The following SPACA3 variants were observed in gnomAD, a reference collection of about 807,000 sequenced individuals.
The protein encoded by SPACA3 is sperm acrosome membrane-associated protein 3.
SPACA3 carries 21 observed loss-of-function variants against 24.5 expected under a neutral mutation model. That is an observed-to-expected ratio of 0.86 (90% CI 0.61 to 1.24). SPACA3 has a LOEUF of 1.24. SPACA3 is among the 50% of genes most tolerant of loss of function. The pLI is 0.00. For synonymous variants in SPACA3, 115 were observed against 106.9 expected, an observed-to-expected ratio of 1.08 and a Z score of -0.47; for missense variants, 278 against 275.5, an observed-to-expected ratio of 1.01 and a Z score of -0.06.
rs753643316 is a variant in SPACA3 at position 32,997,705 on chromosome 17, TC to T, written c.582-5del. The T allele has an allele frequency of 1.2e-6, 2 of 1,613,534 alleles. No homozygotes were observed. Among genetic ancestry groups the T allele is most frequent in the African/African-American group, 2.7e-5 (2 of 74,876 alleles). On this transcript the variant is annotated splice_polypyrimidine_tract_variant and splice_region_variant and intron_variant, in intron 4 of 4. Coordinates refer to ENST00000269053, the MANE Select transcript of SPACA3 (RefSeq NM_173847.5). ...TATCTCTCCTCTTCCCTGTTCTCCA[TC>T]CTCAGGGAGGCCTGGAGGCATCACT...
intron 1 of SPACA3, among the ~76,000 whole-genome samples, chr17:32,994,313 C>T (rs965606269): frequency 3.3e-5 from 5 of 152,102 alleles, no homozygotes; most frequent in Non-Finnish European, 4.4e-5. Flanking sequence ...TCATATGAGG[C>T]AGGTGTTACT....
intron 3 of SPACA3, 49 bp downstream of exon 3, chr17:32,997,050 C>T: frequency 6.8e-7 from 1 of 1,469,640 alleles, no homozygotes. Flanking sequence ...CCTGCATTAG[C>T]TTTTGTTCCA....
rs1448239376 is a variant in SPACA3 at position 32,997,432 on chromosome 17, C to A, written c.503-13C>A. ...CCTGTTCTCTCATTGTGTTTCTCTG[C>A]CTATCACCCCAGATTTGTTGAATCC... On this transcript the variant is annotated splice_polypyrimidine_tract_variant and intron_variant, in intron 3 of 4. Transcript: ENST00000269053. The A allele has an allele frequency of 1.9e-6, 3 of 1,610,758 alleles. No individual in the cohort carries two copies. Among genetic ancestry groups the A allele is most frequent in the Admixed American group, 3.3e-5 (2 of 59,918 alleles).
At position 32,995,476 on chromosome 17, in the gene SPACA3, A is replaced by G; in HGVS notation, c.102A>G (p.Ser34=). The change falls in exon 2 of 5, where the codon TCA becomes TCG. Residue 34 remains serine (S), a synonymous_variant. Coordinates refer to ENST00000269053, the MANE Select transcript of SPACA3 (RefSeq NM_173847.5). ...SGPRRLVSCL[S]SQSSALSQSG... ...CACGGAGGCTGGTGAGCTGCCTGTC[A>G]TCCCAAAGCTCAGCTCTGAGCCAGA... 2.5e-6 allele frequency: 4 copies of G among 1,613,632 alleles called. No individual in the cohort carries two copies. The highest frequency in any genetic ancestry group is 3.4e-6 in the Non-Finnish European group (4 of 1,179,602).
intron 2 of SPACA3, among the ~76,000 whole-genome samples, chr17:32,996,345 T>C (rs1027868990): frequency 1.3e-5 from 2 of 152,026 alleles, no homozygotes; most frequent in Non-Finnish European, 2.9e-5. Flanking sequence ...AAAAATTAGC[T>C]GGGCATGGTG....
chr17:32,994,456 C>T (rs979905367), intron 1 of SPACA3, among the ~76,000 whole-genome samples: 1 of 152,120 alleles, frequency 6.6e-6, no homozygotes, highest in African/African-American at 2.4e-5. Context: ...TTGTCATCCT[C>T]GGGGGCATTC....
chr17:32,994,079 C>T (rs1019847143), intron 1 of SPACA3, among the ~76,000 whole-genome samples: 7 of 151,994 alleles, frequency 4.6e-5, no homozygotes, highest in Non-Finnish European at 8.8e-5. Flanking sequence ...CAGCAGGAGA[C>T]GAGATCATGT....
Position 32,997,697 on chromosome 17 carries a change from G to A in SPACA3, c.582-15G>A, listed in dbSNP as rs1468805780. On this transcript the variant is annotated splice_polypyrimidine_tract_variant and intron_variant, in intron 4 of 4. Coordinates refer to ENST00000269053, the MANE Select transcript of SPACA3 (RefSeq NM_173847.5). The stretch of plus-strand genomic sequence containing the variant: ...GCTGATATTATCTCTCCTCTTCCCT[G>A]TTCTCCATCCTCAGGGAGGCCTGGA... 1.2e-6 allele frequency: 2 copies of A among 1,613,774 alleles called. No individual in the cohort carries two copies. Among genetic ancestry groups the A allele is most frequent in the South Asian group, 2.2e-5 (2 of 91,064 alleles).
chr17:32,995,626 C>CA lies in SPACA3; in HGVS notation c.253dup (p.Ser85LysfsTer2). 1 of 1,614,210 alleles carries CA rather than the reference C, an allele frequency of 6.2e-7. No individual in the cohort carries two copies. The highest frequency in any genetic ancestry group is 8.5e-7 in the Non-Finnish European group (1 of 1,180,036). On this transcript the variant is annotated frameshift_variant, in exon 2 of 5. Coordinates refer to ENST00000269053, the MANE Select transcript of SPACA3 (RefSeq NM_173847.5). LOFTEE classifies it high-confidence loss of function. ...GTCTGCTCAGCTGCCTGCTACCCTC[C>CA]AGTGAGGCCAAGCTCTACGGTCGTT...
intron 4 of SPACA3, 50 bp downstream of exon 4, chr17:32,997,573 T>C: frequency 1.9e-6 from 3 of 1,574,346 alleles, no homozygotes; most frequent in Non-Finnish European, 2.6e-6. Flanking sequence ...TTAGGACTGG[T>C]GGGCAGCAGC....
chr17:32,995,556 G>A lies in SPACA3; in HGVS notation c.182G>A (p.Arg61Lys). Residue 61 changes from arginine to lysine, a missense_variant, in exon 2 of 5, where the codon AGA (arginine) becomes AAA (lysine). By Grantham distance (26) the Arg-to-Lys change is conservative. Transcript: ENST00000269053. The stretch of plus-strand genomic sequence containing the variant: ...ATAGAAGCCAGGAGCAGGGCTCTCA[G>A]AAGGCGGTGGTGCCCAGCTGGGATC... The part of the protein sequence containing the change: ...AGIEARSRAL[R>K]RRWCPAGIML... 1 of 1,614,222 alleles carries A rather than the reference G, an allele frequency of 6.2e-7. No individual in the cohort carries two copies. Among genetic ancestry groups the A allele is most frequent in the Non-Finnish European group, 8.5e-7 (1 of 1,180,042 alleles).
intron 1 of SPACA3, chr17:32,992,970 T>A: frequency 2.1e-6 from 1 of 470,500 alleles, no homozygotes; most frequent in South Asian, 1.6e-5. Context: ...GGTTGAGACA[T>A]GATACAAGAA....
chr17:32,996,678 G>GC lies in SPACA3; in HGVS notation c.344-163dup, dbSNP rs1404977633. 78 of 652,120 alleles carry GC rather than the reference G, an allele frequency of 1.2e-4. No individual in the cohort carries two copies. The East Asian group carries it at 2.7e-3, about 23-fold the overall frequency. The allele number at this position is 652,120 out of a possible 1,614,324, so 40.4% of individuals were successfully genotyped here. A position where few individuals can be genotyped will look rare whatever the true frequency, so the allele number is the denominator to read the frequency against. ...TGGGTGAGTCGCTGTGCACCTCTAA[G>GC]CCTCGATTGATTGGTTTGCAAAGCA... is the stretch of plus-strand genomic sequence containing the variant. On this transcript the variant is annotated intron_variant, in intron 2 of 4. Transcript: ENST00000269053.
intron 1 of SPACA3, among the ~76,000 whole-genome samples, chr17:32,992,497 C>CTGCAGATAAATAAGACA (rs1398704694): frequency 2.0e-5 from 3 of 152,332 alleles, no homozygotes; most frequent in South Asian, 2.1e-4. Flanking sequence ...GCCAGCAACT[C>CTGCAGATAAATAAGACA]TGCAGATAAA....
At chr17:32,992,044 G>T in intron 1 of SPACA3, 72 bp downstream of exon 1, 1 of 1,560,536 alleles carries the variant, frequency 6.4e-7, no homozygotes, top group Admixed American at 1.8e-5. Context: ...AGACCAGGTG[G>T]AGAAAAACAA....
intron 3 of SPACA3, 58 bp downstream of exon 3, chr17:32,997,059 C>A (rs28904): frequency 0.21 from 309,287 of 1,463,230 alleles, 35,675 homozygotes; most frequent in East Asian, 0.41. Flanking sequence ...GCTTTTGTTC[C>A]ATTCCCAGTT....
chr17:32,993,379 G>T (rs1251955886), intron 1 of SPACA3, among the ~76,000 whole-genome samples: 1 of 152,198 alleles, frequency 6.6e-6, no homozygotes, highest in Non-Finnish European at 1.5e-5. Flanking sequence ...CAAAGTGGAA[G>T]AGAAGAGGGC....
chr17:32,991,964 C>T lies in SPACA3; in HGVS notation c.26C>T (p.Pro9Leu). The change falls in exon 1 of 5, where the codon CCC becomes CTC. Residue 9 changes from proline (P) to leucine (L), a missense_variant. By Grantham distance (98) the Pro-to-Leu change is moderately conservative (BLOSUM62 -3). Transcript: ENST00000269053. ...ATGGTCTCAGCTCTGCGGGGAGCAC[C>T]CCTGATCAGTGAGCCCCCTTTCCCT... MVSALRGA[P>L]LIRVHSSPVS... 1.9e-6 allele frequency: 3 copies of T among 1,613,816 alleles called. No homozygotes were observed. The highest frequency in any genetic ancestry group is 2.5e-6 in the Non-Finnish European group (3 of 1,179,950).
chr17:32,997,563 T>C, intron 4 of SPACA3, 40 bp downstream of exon 4: 1 of 1,587,416 alleles, frequency 6.3e-7, no homozygotes. Flanking sequence ...GGTGGTATGG[T>C]TAGGACTGGT....
Sources: gnomAD v4.1 joint callset for allele counts (sites outside exome capture counted in the v4.1 genomes callset) on GRCh38, gnomAD v4.1.1 for gene constraint, MANE v1.5 for transcripts, NCBI Gene and HGNC (gene_info 2026-07-23, HGNC 2026-07-21) for gene names.